Variants in GUCY2C observed in about 807,000 individuals in gnomAD.
GUCY2C encodes the protein guanylate cyclase 2C, also known as guanylyl cyclase C.
A neutral mutation model predicts 131.1 loss-of-function variants in GUCY2C; 118 were observed. The ratio of observed to expected loss-of-function variants is 0.90; its 90% CI spans 0.78 to 1.05. The LOEUF (loss-of-function observed/expected upper bound fraction) is 1.05, where lower values mean the gene tolerates loss of function less well. Among genes scored for constraint, GUCY2C ranks in the 50% least tolerant of loss-of-function variants. The probability of loss-of-function intolerance (pLI) is 0.00; values close to 1 mark genes in which losing one functional copy is unlikely to be tolerated. For synonymous variants in GUCY2C, 452 were observed against 457.8 expected (o/e 0.99, Z 0.16); for missense variants, 1,161 against 1,304.4 (o/e 0.89, Z 1.69).
chr12:14,662,289 G>A (rs1466833027), intron 10 of GUCY2C, among the ~76,000 whole-genome samples: 1 of 152,120 alleles, frequency 6.6e-6, no homozygotes, highest in Non-Finnish European at 1.5e-5. Flanking sequence ...ATGAAACAAA[G>A]TAAAATGTGC....
intron 24 of GUCY2C, among the ~76,000 whole-genome samples, chr12:14,617,222 A>C (rs1946784680): frequency 6.6e-6 from 1 of 152,148 alleles, no homozygotes; most frequent in African/African-American, 2.4e-5. Context: ...CAGAACCATG[A>C]GCCAATTAAA....
rs1565633614 is a variant in GUCY2C, at chr12:14,681,467, CATTAAG to C, written c.616_621del (p.Leu206_Asn207del). On this transcript the variant is annotated inframe_deletion, in exon 5 of 27. Coordinates refer to ENST00000261170, the MANE Select transcript of GUCY2C (RefSeq NM_004963.4). ...AAATAGGAAACGCTAGCCTCCAGAG[CATTAAG>C]GTACCTGGAATAGGAAAAAGAGAAA... 1 of 1,581,082 alleles carries C rather than the reference CATTAAG, an allele frequency of 6.3e-7. No homozygotes were observed. Among genetic ancestry groups the C allele is most frequent in the African/African-American group, 1.5e-5 (1 of 67,614 alleles).
intron 15 of GUCY2C, among the ~76,000 whole-genome samples, chr12:14,646,120 G>A (rs530014966): frequency 6.6e-6 from 1 of 152,268 alleles, no homozygotes; most frequent in Admixed American, 6.5e-5. Flanking sequence ...ACAGGCACAA[G>A]CCACCGCGCC....
chr12:14,652,913 A>C, intron 13 of GUCY2C, 39 bp downstream of exon 13: 124 of 1,364,430 alleles, frequency 9.1e-5, no homozygotes, highest in Non-Finnish European at 1.2e-4. Flanking sequence ...GGCCCAGAGC[A>C]TACCCCAGTG....
intron 4 of GUCY2C, among the ~76,000 whole-genome samples, chr12:14,682,579 A>G (rs1948370201): frequency 6.6e-6 from 1 of 152,144 alleles, no homozygotes; most frequent in Non-Finnish European, 1.5e-5. Flanking sequence ...AATACCCATT[A>G]TTCCTGTTTC....
intron 19 of GUCY2C, among the ~76,000 whole-genome samples, chr12:14,629,333 C>T (rs965766267): frequency 3.9e-5 from 6 of 152,148 alleles, no homozygotes; most frequent in African/African-American, 1.4e-4. Context: ...CCCTAAACCT[C>T]TGTAATTTAG....
chr12:14,649,920 G>T (rs1257980505), intron 15 of GUCY2C, among the ~76,000 whole-genome samples: 2 of 152,050 alleles, frequency 1.3e-5, no homozygotes, highest in African/African-American at 2.4e-5. Flanking sequence ...TTTTGAAACA[G>T]ATTTCATGAT....
intron 24 of GUCY2C, among the ~76,000 whole-genome samples, chr12:14,617,335 G>A (rs1176538762): frequency 6.6e-6 from 1 of 152,150 alleles, no homozygotes; most frequent in Non-Finnish European, 1.5e-5. Context: ...AAGAAGGCCT[G>A]GCATCAGTTT....
intron 15 of GUCY2C, among the ~76,000 whole-genome samples, chr12:14,645,590 G>A (rs996997255): frequency 3.3e-5 from 5 of 152,178 alleles, no homozygotes; most frequent in Non-Finnish European, 7.3e-5. Flanking sequence ...TAAGCAGCAG[G>A]CGGGGAGACT....
At chr12:14,669,981 C>A in intron 9 of GUCY2C, 148 bp from the exon 10 acceptor site, 1 of 524,130 alleles carries the variant, frequency 1.9e-6, no homozygotes. Context: ...TAGTTAGGAT[C>A]ATTTATTGAT....
chr12:14,639,991 A>T (rs764595727), intron 18 of GUCY2C, 41 bp from the exon 19 acceptor site: 2 of 1,246,070 alleles, frequency 1.6e-6, no homozygotes, highest in Non-Finnish European at 2.4e-6. Flanking sequence ...AGAAGAATAC[A>T]GCATGAAGAA....
intron 4 of GUCY2C, 133 bp from the exon 5 acceptor site, chr12:14,681,610 G>A: frequency 1.4e-6 from 1 of 697,758 alleles, no homozygotes; most frequent in Admixed American, 2.6e-5. Context: ...ACAATAGACA[G>A]CACACACCAT....
chr12:14,694,479 G>A (rs573967375), intron 1 of GUCY2C, among the ~76,000 whole-genome samples: 2 of 152,300 alleles, frequency 1.3e-5, no homozygotes, highest in East Asian at 3.9e-4. Context: ...CTTAGTAACT[G>A]AAGAAACCAA....
At chr12:14,694,623 T>C (rs1291563288) in intron 1 of GUCY2C, among the ~76,000 whole-genome samples, 1 of 152,194 alleles carries the variant, frequency 6.6e-6, no homozygotes, top group African/African-American at 2.4e-5. Context: ...GGGACTTCAC[T>C]AAATAACCTC....
At position 14,679,732 on chromosome 12, in the gene GUCY2C, G is replaced by A. The variant is rs200432723; in HGVS notation, c.755C>T (p.Pro252Leu). ...KSNVIIMCGG[P>L]EFLYKLKGDR... ...ACCCTTCAGCTTGTAGAGGAACTCT[G>A]GACCACCACACATAATAATCACTGG... Residue 252 changes from proline to leucine, a missense_variant, in exon 6 of 27, where the codon CCA (proline) becomes CTA (leucine). Physicochemically the swap from Pro to Leu is moderately conservative, Grantham distance 98. Coordinates refer to ENST00000261170, the MANE Select transcript of GUCY2C (RefSeq NM_004963.4). 47 of 1,581,570 alleles carry A rather than the reference G, an allele frequency of 3.0e-5. No homozygotes were observed. The African/African-American group carries it at 5.7e-4, about 19-fold the overall frequency.
rs1730821283 is a variant in GUCY2C at position 14,628,709 on chromosome 12, T to A, written c.2186A>T (p.Glu729Val). 4 of 1,598,570 alleles carry A rather than the reference T, an allele frequency of 2.5e-6. No homozygotes were observed. Among genetic ancestry groups the A allele is most frequent in the Non-Finnish European group, 3.4e-6 (4 of 1,166,666 alleles). The change falls in exon 20 of 27, where the codon GAG (glutamate) becomes GTG (valine). Residue 729 changes from glutamate to valine, a missense_variant. Transcript: ENST00000261170. ...EVYLLVKNCW[E>V]EDPEKRPDFK... Reference sequence around the variant, plus strand: ...ATCTGGTCTCTTTTCTGGATCTTCCTCCCAACAGTTTTTTACAAGTAGGTA... The same window carrying A: ...ATCTGGTCTCTTTTCTGGATCTTCCACCCAACAGTTTTTTACAAGTAGGTA...
chr12:14,657,629 C>A (rs528903021), intron 11 of GUCY2C, among the ~76,000 whole-genome samples: 1 of 152,094 alleles, frequency 6.6e-6, no homozygotes, highest in Non-Finnish European at 1.5e-5. Flanking sequence ...GCGTTAGATT[C>A]TCACAGGACC....
intron 18 of GUCY2C, 31 bp downstream of exon 18, chr12:14,641,051 A>G (rs1199002244): frequency 6.2e-7 from 1 of 1,609,214 alleles, no homozygotes; most frequent in Non-Finnish European, 8.5e-7. Context: ...GCTCACTCCC[A>G]GAGGGGACAC....
intron 4 of GUCY2C, 81 bp downstream of exon 4, chr12:14,682,961 T>C: frequency 1.2e-6 from 1 of 868,562 alleles, no homozygotes; most frequent in Non-Finnish European, 1.9e-6. Context: ...AAGGTGCATC[T>C]GGTAATAACT....
Sources: gnomAD v4.1 joint callset for allele counts (sites outside exome capture counted in the v4.1 genomes callset) on GRCh38, gnomAD v4.1.1 for gene constraint, MANE v1.5 for transcripts, NCBI Gene and HGNC (gene_info 2026-07-23, HGNC 2026-07-21) for gene names.